The following SLC46A3 variants were observed in gnomAD, a reference collection of about 807,000 sequenced individuals.
The protein encoded by SLC46A3 is lysosomal proton-coupled steroid conjugate and bile acid symporter SLC46A3.
SLC46A3 carries 26 observed loss-of-function variants against 38.5 expected under a neutral mutation model. The ratio of observed to expected loss-of-function variants is 0.68; its 90% CI spans 0.49 to 0.94. The LOEUF (loss-of-function observed/expected upper bound fraction) is 0.94. Ranked by LOEUF, SLC46A3 falls within the 40% of genes least tolerant of loss-of-function variation. The pLI, the probability that SLC46A3 is intolerant of heterozygous loss-of-function variation, is 0.00. For missense variants in SLC46A3, 510 were observed against 544.3 expected, an observed-to-expected ratio of 0.94 and a Z score of 0.63; for synonymous variants, 185 against 192.5, an observed-to-expected ratio of 0.96 and a Z score of 0.32.
rs1184655475 is a variant in SLC46A3, at chr13:28,710,765, T to C, written c.1139A>G (p.Glu380Gly). The stretch of plus-strand genomic sequence containing the variant: ...CTTAAGCAAATTAAACTCACCTTGT[T>C]CAGTCGAACGAACCACTTTTGACAA... ...SMLSKVVRST[E>G]QGTLFACIAF... The change falls in exon 4 of 6, where the codon GAA becomes GGA. Residue 380 changes from glutamate to glycine, a missense_variant. Glu to Gly is a moderately conservative substitution (Grantham distance 98). Transcript: ENST00000266943. 2 of 1,612,042 alleles carry C rather than the reference T, an allele frequency of 1.2e-6. No individual in the cohort carries two copies. The highest frequency in any genetic ancestry group is 2.7e-5 in the African/African-American group (2 of 74,892).
rs760067136 is a variant in SLC46A3, at chr13:28,712,955, A to G, written c.785T>C (p.Leu262Ser). Residue 262 changes from leucine to serine, a missense_variant, in exon 3 of 6, where the codon TTG becomes TCG. By Grantham distance (145) the Leu-to-Ser change is moderately radical. Transcript: ENST00000266943. ...ASGKRRFLLC[L>S]LLFTVITYFF... ...ATAAGTGATTACTGTAAAAAGTAAC[A>G]AACAGAGCAAAAATCGTCTCTTACC... The G allele has an allele frequency of 9.3e-6, 15 of 1,612,468 alleles. No homozygotes were observed. The highest frequency in any genetic ancestry group is 1.1e-5 in the South Asian group (1 of 90,404).
chr13:28,703,922 T>C, intron 5 of SLC46A3, 21 bp downstream of exon 5: 1 of 1,564,734 alleles, frequency 6.4e-7, no homozygotes, highest in Non-Finnish European at 8.7e-7. Flanking sequence ...TCTGATAAAA[T>C]GATTAAAAAT....
rs531972248 is a variant in SLC46A3 at position 28,709,092 on chromosome 13, C to G, written c.1144+1668G>C. Among the ~76,000 whole-genome samples, 3 of 151,870 alleles carry G rather than the reference C, an allele frequency of 2.0e-5. No homozygotes were observed. The South Asian group carries it at 6.2e-4, about 32-fold the overall frequency. On this transcript the variant is annotated intron_variant, in intron 4 of 5. Transcript: ENST00000266943. ...ATCCCAGCACTTTGGGAGGCTGAGG[C>G]GGGCTGATTACCTGAGGTCAGGAGT...
intron 4 of SLC46A3, among the ~76,000 whole-genome samples, chr13:28,704,905 ACT>A (rs911452015): frequency 6.6e-6 from 1 of 152,212 alleles, no homozygotes; most frequent in African/African-American, 2.4e-5. Flanking sequence ...AGGGTAGGCC[ACT>A]CAGCATTGTT....
chr13:28,717,472 C>T (rs917222983), intron 2 of SLC46A3, among the ~76,000 whole-genome samples: 1 of 105,980 alleles, frequency 9.4e-6, no homozygotes, highest in East Asian at 2.5e-4. Flanking sequence ...CCTGCCCTGC[C>T]CCAATTTTCA....
intron 4 of SLC46A3, 123 bp from the exon 5 acceptor site, chr13:28,704,222 G>A: frequency 1.2e-6 from 1 of 857,880 alleles, no homozygotes; most frequent in Non-Finnish European, 1.8e-6. Context: ...ACTGCTGGGT[G>A]AATGAAATGA....
chr13:28,708,258 C>T (rs1485509497), intron 4 of SLC46A3, among the ~76,000 whole-genome samples: 1 of 152,180 alleles, frequency 6.6e-6, no homozygotes, highest in African/African-American at 2.4e-5. Context: ...TGTACAGCTG[C>T]TGCACCATTT....
At chr13:28,709,396 G>A (rs1370489137) in intron 4 of SLC46A3, among the ~76,000 whole-genome samples, 1 of 151,802 alleles carries the variant, frequency 6.6e-6, no homozygotes, top group Non-Finnish European at 1.5e-5. Flanking sequence ...GCCTTCTCCA[G>A]TATTGACTAA....
At position 28,713,266 on chromosome 13, in the gene SLC46A3, C is replaced by G; in HGVS notation, c.474G>C (p.Gln158His). The change falls in exon 3 of 6, where the codon CAG becomes CAC. Residue 158 changes from glutamine to histidine, a missense_variant. Transcript: ENST00000266943. ...TTGTTTTTTGTTTGTGTTCTTTACA[C>G]TGATCAACTATATAGGCAAAGCAAG... ...WGACFAYIVD[Q>H]CKEHKQKTIR... 1.2e-6 allele frequency: 2 copies of G among 1,613,928 alleles called. No individual in the cohort carries two copies. The highest frequency in any genetic ancestry group is 1.7e-6 in the Non-Finnish European group (2 of 1,180,036).
chr13:28,703,053 A>AT (rs1279804171), intron 5 of SLC46A3, among the ~76,000 whole-genome samples: 2 of 152,276 alleles, frequency 1.3e-5, no homozygotes, highest in East Asian at 3.9e-4. Flanking sequence ...GTTGGCTCAC[A>AT]TTTTTTGTTA....
At chr13:28,701,813 C>A (rs1281185450) in intron 5 of SLC46A3, among the ~76,000 whole-genome samples, 4 of 151,922 alleles carry the variant, frequency 2.6e-5, no homozygotes, top group African/African-American at 9.7e-5. Flanking sequence ...CCCATCTGTC[C>A]CATGGTTAAC....
At chr13:28,716,402 G>C (rs1309805042) in intron 2 of SLC46A3, among the ~76,000 whole-genome samples, 1 of 152,046 alleles carries the variant, frequency 6.6e-6, no homozygotes, top group African/African-American at 2.4e-5. Flanking sequence ...TCAACCTAGA[G>C]AGACTCTGGG....
chr13:28,717,892 G>GT lies in SLC46A3; in HGVS notation c.106dup (p.Thr36AsnfsTer9). 1 of 1,614,118 alleles carries GT rather than the reference G, an allele frequency of 6.2e-7. No individual in the cohort carries two copies. The highest frequency in any genetic ancestry group is 1.1e-5 in the South Asian group (1 of 91,078). On this transcript the variant is annotated frameshift_variant, in exon 2 of 6. Coordinates refer to ENST00000266943, the MANE Select transcript of SLC46A3 (RefSeq NM_181785.4). LOFTEE classifies it high-confidence loss of function. ...ATCAGATGAAAAAGTGTAGTTGCCA[G>GT]TTTCTTCCCATATTCTCCGATAAAC...
intron 4 of SLC46A3, among the ~76,000 whole-genome samples, chr13:28,707,110 T>C (rs1439459215): frequency 2.6e-5 from 4 of 152,128 alleles, no homozygotes; most frequent in Admixed American, 2.0e-4. Context: ...CGTATGTTTA[T>C]TGTGGCACTG....
In SLC46A3 at chr13:28,701,501, C is replaced by T. The variant is rs752681560; in HGVS notation, c.1382G>A (p.Arg461Lys). 1.2e-6 allele frequency: 2 copies of T among 1,612,132 alleles called. No homozygotes were observed. Among genetic ancestry groups the T allele is most frequent in the Non-Finnish European group, 1.7e-6 (2 of 1,179,140 alleles). ...TTTTGTTTGTTTAAATCACAGTCACCTGTCTGAAGCATCTTCACTGGATTC... is the reference window on the plus strand; with the variant it reads ...TTTTGTTTGTTTAAATCACAGTCACTTGTCTGAAGCATCTTCACTGGATTC... ...QEESSEDASD[R>K] Residue 461 changes from arginine (R) to lysine (K), a missense_variant, in exon 6 of 6, where the codon AGG becomes AAG. By Grantham distance (26) the Arg-to-Lys change is conservative. Transcript: ENST00000266943.
At chr13:28,710,193 C>T (rs1233193858) in intron 4 of SLC46A3, among the ~76,000 whole-genome samples, 1 of 152,176 alleles carries the variant, frequency 6.6e-6, no homozygotes, top group Non-Finnish European at 1.5e-5. Context: ...GAGCCCACCC[C>T]CATTCTGCTC....
At position 28,700,959 on chromosome 13, in the gene SLC46A3, A is replaced by G. The variant is rs896206260; in HGVS notation, c.*538T>C. On this transcript the variant is annotated 3_prime_UTR_variant, in exon 6 of 6. Coordinates refer to ENST00000266943, the MANE Select transcript of SLC46A3 (RefSeq NM_181785.4). Reference sequence around the variant, plus strand: ...TATCAATAGCAGCTTAACAGGCTCTATAAAATAAAGCATTACCAAGTATAG... The same window carrying G: ...TATCAATAGCAGCTTAACAGGCTCTGTAAAATAAAGCATTACCAAGTATAG... 22 of 1,529,060 alleles carry G rather than the reference A, an allele frequency of 1.4e-5. No homozygotes were observed. Among genetic ancestry groups the G allele is most frequent in the African/African-American group, 2.8e-5 (2 of 72,540 alleles). The allele number at this position is 1,529,060 out of a possible 1,614,324, so 94.7% of individuals were successfully genotyped here.
At chr13:28,703,769 G>T in intron 5 of SLC46A3, 174 bp downstream of exon 5, 1 of 449,286 alleles carries the variant, frequency 2.2e-6, no homozygotes, top group Non-Finnish European at 3.9e-6. Context: ...TCTTCACTGT[G>T]TCATTCCAAT....
intron 2 of SLC46A3, 80 bp downstream of exon 2, chr13:28,717,730 T>G: frequency 1.4e-6 from 2 of 1,380,416 alleles, no homozygotes; most frequent in African/African-American, 1.4e-5. Context: ...CAATGGATGA[T>G]GAGTTCACGG....
Sources: allele counts gnomAD v4.1 joint callset (sites outside exome capture counted in the v4.1 genomes callset), GRCh38; gene constraint gnomAD v4.1.1; transcripts MANE v1.5; gene names NCBI Gene and HGNC (gene_info 2026-07-23, HGNC 2026-07-21).